The following ROBO2 variants were observed in gnomAD, a reference collection of about 807,000 sequenced individuals.
The protein encoded by ROBO2 is roundabout guidance receptor 2.
A neutral mutation model predicts 160.8 loss-of-function variants in ROBO2; 53 were observed. The ratio of observed to expected loss-of-function variants is 0.33; its 90% CI spans 0.26 to 0.41. The LOEUF is 0.41. Among genes scored for constraint, ROBO2 ranks in the 10% least tolerant of loss-of-function variants. ROBO2 has a pLI of 1.00. For missense variants in ROBO2, 1,577 were observed against 1,722.4 expected (o/e 0.92, Z 1.49); for synonymous variants, 664 against 611.7 (o/e 1.09, Z -1.26).
chr3:76,480,989 A>T (rs2079177745), intron 2 of ROBO2, among the ~76,000 whole-genome samples: 1 of 152,170 alleles, frequency 6.6e-6, no homozygotes, highest in Non-Finnish European at 1.5e-5. Context: ...GGAGTTATTA[A>T]ATATCTCAAA....
chr3:76,580,343 T>TTTTTTTTTTTTTTTTTTTTTTTTTTG (rs2085610198), intron 2 of ROBO2, among the ~76,000 whole-genome samples: 9 of 7,292 alleles, frequency 1.2e-3, no homozygotes, highest in Non-Finnish European at 2.5e-3. Context: ...TTTTTTTGTG[T>TTTTTTTTTTTTTTTTTTTTTTTTTTG]TTTTTTTTTT....
rs538575520 is a variant in ROBO2, at chr3:76,662,104, TG to T, written c.110-435909del. Among the ~76,000 whole-genome samples, 12 of 152,268 alleles carry T rather than the reference TG, an allele frequency of 7.9e-5. No individual in the cohort carries two copies. The South Asian group carries it at 2.3e-3, about 29-fold the overall frequency. On this transcript the variant is annotated intron_variant, in intron 2 of 26. Coordinates refer to the ROBO2 transcript ENST00000487694. ...GGAGGGTGTAAGGAGACATATTCAATGCCCCACTTCCCATCATGGCCTGAAC... is the reference window on the plus strand; with the variant it reads ...GGAGGGTGTAAGGAGACATATTCAATCCCCACTTCCCATCATGGCCTGAAC...
chr3:77,044,519 C>T (rs945739541), intron 1 of ROBO2, among the ~76,000 whole-genome samples: 13 of 152,048 alleles, frequency 8.5e-5, no homozygotes, highest in Admixed American at 6.6e-4. Flanking sequence ...CATTCATCGT[C>T]TCTTTCCTTT....
chr3:77,179,631 C>T (rs531908617), intron 2 of ROBO2, among the ~76,000 whole-genome samples: 44 of 152,228 alleles, frequency 2.9e-4, no homozygotes, highest in African/African-American at 1.0e-3. Context: ...AGTTGGTTAA[C>T]ATTCTTTTCT....
At chr3:77,535,375 G>A (rs1047774958) in intron 6 of ROBO2, among the ~76,000 whole-genome samples, 1 of 151,944 alleles carries the variant, frequency 6.6e-6, no homozygotes, top group Non-Finnish European at 1.5e-5. Flanking sequence ...CCATTTACTT[G>A]AAGAGCCATT....
chr3:76,361,928 C>T (rs2075546441), intron 2 of ROBO2, among the ~76,000 whole-genome samples: 1 of 152,040 alleles, frequency 6.6e-6, no homozygotes. Flanking sequence ...ATTTATTACT[C>T]CTTGTGCATA....
Position 76,594,533 on chromosome 3 carries a change from A to G in ROBO2, c.110-503481A>G, listed in dbSNP as rs542344860. Among the ~76,000 whole-genome samples, 7 of 152,188 alleles carry G rather than the reference A, an allele frequency of 4.6e-5. No individual in the cohort carries two copies. The East Asian group carries it at 9.7e-4, about 21-fold the overall frequency. Reference sequence around the variant, plus strand: ...TTTAATATAATTCCTAAAGAGCCTTATCCAAAATACTATTATCCATCATTC... The same window carrying G: ...TTTAATATAATTCCTAAAGAGCCTTGTCCAAAATACTATTATCCATCATTC... On this transcript the variant is annotated intron_variant, in intron 2 of 26. Transcript: ENST00000487694.
intron 2 of ROBO2, among the ~76,000 whole-genome samples, chr3:76,369,977 A>G (rs1393827745): frequency 6.6e-6 from 1 of 152,006 alleles, no homozygotes; most frequent in African/African-American, 2.4e-5. Flanking sequence ...GCCAAGAACA[A>G]TATTTTTAAA....
intron 2 of ROBO2, among the ~76,000 whole-genome samples, chr3:77,192,650 CTTT>C (rs71629633): frequency 3.6e-5 from 4 of 110,002 alleles, no homozygotes; most frequent in Non-Finnish European, 5.2e-5. Flanking sequence ...AACACAATTC[CTTT>C]TTTTTTTTTT....
chr3:76,447,897 T>TG (rs1559962688), intron 2 of ROBO2, among the ~76,000 whole-genome samples: 3 of 42,586 alleles, frequency 7.0e-5, no homozygotes. Flanking sequence ...TGTTGTGGGG[T>TG]GGGGGGAGGG....
At chr3:76,688,159 T>C (rs1269545767) in intron 2 of ROBO2, among the ~76,000 whole-genome samples, 1 of 152,110 alleles carries the variant, frequency 6.6e-6, no homozygotes, top group African/African-American at 2.4e-5. Context: ...TTGTATGGTG[T>C]ATCTGCATTT....
chr3:76,088,808 G>GA (rs1465971289), intron 2 of ROBO2, among the ~76,000 whole-genome samples: 6 of 151,682 alleles, frequency 4.0e-5, no homozygotes, highest in Admixed American at 6.6e-5. Context: ...GAAGAAACTA[G>GA]AAAAATAGAA....
chr3:77,547,377 C>T (rs1015999808), intron 7 of ROBO2, among the ~76,000 whole-genome samples: 1 of 152,038 alleles, frequency 6.6e-6, no homozygotes, highest in Non-Finnish European at 1.5e-5. Flanking sequence ...TGGTCTTCCT[C>T]ATCACATTCT....
At chr3:76,242,233 A>G (rs919008056) in intron 2 of ROBO2, among the ~76,000 whole-genome samples, 1 of 151,982 alleles carries the variant, frequency 6.6e-6, no homozygotes, top group African/African-American at 2.4e-5. Context: ...CAGTTACATT[A>G]TGGATCTGTG....
intron 2 of ROBO2, among the ~76,000 whole-genome samples, chr3:77,317,930 C>A (rs906799998): frequency 6.7e-6 from 1 of 149,340 alleles, no homozygotes; most frequent in Non-Finnish European, 1.5e-5. Context: ...AGGGGGGCTG[C>A]GGCGCCAAGG....
intron 2 of ROBO2, among the ~76,000 whole-genome samples, chr3:77,297,904 G>A (rs1330757424): frequency 3.9e-5 from 6 of 152,086 alleles, no homozygotes; most frequent in Non-Finnish European, 8.8e-5. Context: ...GACATGAGGA[G>A]GCATGCTAAC....
intron 2 of ROBO2, among the ~76,000 whole-genome samples, chr3:76,575,936 C>T (rs1447791): frequency 6.6e-6 from 1 of 151,584 alleles, no homozygotes; most frequent in Non-Finnish European, 1.5e-5. Flanking sequence ...AAGGTGCTCT[C>T]AAGTTCTTAG....
At chr3:77,328,887 A>G (rs1379064257) in intron 2 of ROBO2, among the ~76,000 whole-genome samples, 2 of 152,242 alleles carry the variant, frequency 1.3e-5, no homozygotes, top group African/African-American at 4.8e-5. Flanking sequence ...TTAAGAGCAT[A>G]TTTGAAAACA....
rs552973260 is a variant in ROBO2 at position 76,727,153 on chromosome 3, T to C, written c.110-370861T>C. ...AATATAACATGCAGTATTTGTAACATAGAAAAAGCTGATGAACATCTGTTT... is the reference window on the plus strand; with the variant it reads ...AATATAACATGCAGTATTTGTAACACAGAAAAAGCTGATGAACATCTGTTT... On this transcript the variant is annotated intron_variant, in intron 2 of 26. Transcript: ENST00000487694. Among the ~76,000 whole-genome samples the C allele has an allele frequency of 1.8e-4, 28 of 152,260 alleles. No individual in the cohort carries two copies. The South Asian group carries it at 2.3e-3, about 12-fold the overall frequency.
Sources: gnomAD v4.1 joint callset for allele counts (sites outside exome capture counted in the v4.1 genomes callset) on GRCh38, gnomAD v4.1.1 for gene constraint, MANE v1.5 for transcripts, NCBI Gene and HGNC (gene_info 2026-07-23, HGNC 2026-07-21) for gene names.